KIF13B: variants seen among roughly 807,000 people sequenced by gnomAD.
The protein encoded by KIF13B is kinesin-like protein KIF13B.
A neutral mutation model predicts 222.0 loss-of-function variants in KIF13B; 127 were observed. The observed-to-expected ratio is 0.57, with a 90% CI of 0.50 to 0.66. KIF13B has a LOEUF of 0.66. KIF13B is among the 30% of genes least tolerant of loss of function. KIF13B has a pLI of 0.00. For missense variants in KIF13B, 2,173 were observed against 2,379.0 expected (o/e 0.91, Z 1.80); for synonymous variants, 976 against 919.0 (o/e 1.06, Z -1.12).
intron 2 of KIF13B, among the ~76,000 whole-genome samples, chr8:29,232,964 T>C (rs1815352157): frequency 6.6e-6 from 1 of 152,168 alleles, no homozygotes; most frequent in Admixed American, 6.6e-5. Context: ...GAGACCAGCC[T>C]GGCCAACCTG....
rs575819314 is a variant in KIF13B at position 29,123,419 on chromosome 8, G to A, written c.3426C>T (p.Asn1142=). Residue 1142 remains asparagine (N), a synonymous_variant, in exon 28 of 40, where the codon AAC becomes AAT. Transcript: ENST00000524189. ...TGCCAGCAGAGGGGACCATCACCGC[G>A]TTCCTCTCCTCAGTTAGGGTCAACC... is the stretch of plus-strand genomic sequence containing the variant. ...EMRLTLTEER[N]AVMVPSAGSG... is the part of the protein sequence containing the mutation. The A allele has an allele frequency of 3.5e-5, 56 of 1,614,038 alleles. No homozygotes were observed. The highest frequency in any genetic ancestry group is 1.6e-4 in the Middle Eastern group (1 of 6,062).
chr8:29,156,172 T>C (rs1333972952), intron 13 of KIF13B, among the ~76,000 whole-genome samples: 1 of 152,248 alleles, frequency 6.6e-6, no homozygotes, highest in African/African-American at 2.4e-5. Flanking sequence ...GGTTTCACCA[T>C]GTTGGCCAGG....
At chr8:29,251,028 G>A (rs1384201774) in intron 1 of KIF13B, among the ~76,000 whole-genome samples, 1 of 152,090 alleles carries the variant, frequency 6.6e-6, no homozygotes, top group Non-Finnish European at 1.5e-5. Flanking sequence ...GTGGGAGCCT[G>A]TAATCCCAGC....
intron 34 of KIF13B, 130 bp from the exon 35 acceptor site, chr8:29,108,322 C>T (rs1442959735): frequency 1.2e-5 from 9 of 745,492 alleles, no homozygotes; most frequent in Middle Eastern, 2.3e-4. Flanking sequence ...GTTGTCATGA[C>T]GAAGGCTGCA....
At chr8:29,206,895 C>A (rs974932852) in intron 2 of KIF13B, among the ~76,000 whole-genome samples, 4 of 152,124 alleles carry the variant, frequency 2.6e-5, no homozygotes. Flanking sequence ...TCAAGAGAAG[C>A]CTTGCTGAAA....
At chr8:29,181,396 C>T (rs971181982) in intron 7 of KIF13B, among the ~76,000 whole-genome samples, 1 of 152,208 alleles carries the variant, frequency 6.6e-6, no homozygotes, top group Non-Finnish European at 1.5e-5. Context: ...TTTTCAGACA[C>T]TGAGAATATA....
At position 29,132,433 on chromosome 8, in the gene KIF13B, G is replaced by C; in HGVS notation, c.2817C>G (p.Ile939Met). The C allele has an allele frequency of 6.4e-7, 1 of 1,564,356 alleles. No individual in the cohort carries two copies. Among genetic ancestry groups the C allele is most frequent in the African/African-American group, 1.4e-5 (1 of 72,674 alleles). Residue 939 changes from isoleucine to methionine, a missense_variant, in exon 23 of 40, where the codon ATC becomes ATG. Coordinates refer to ENST00000524189, the MANE Select transcript of KIF13B (RefSeq NM_015254.4). ...EFSVNITEDF[I>M]EHLSEGALAI... ...CCAATGCTCCTTCGGAAAGATGCTC[G>C]ATAAAGTCTTCGGTGATGTTAACAG...
chr8:29,226,192 G>A (rs1815012849), intron 2 of KIF13B, among the ~76,000 whole-genome samples: 1 of 151,834 alleles, frequency 6.6e-6, no homozygotes, highest in Non-Finnish European at 1.5e-5. Context: ...AGAAGGTCCT[G>A]GCAGCACAGT....
intron 35 of KIF13B, among the ~76,000 whole-genome samples, chr8:29,102,212 A>G (rs1043624968): frequency 5.3e-5 from 8 of 152,220 alleles, no homozygotes; most frequent in African/African-American, 1.9e-4. Flanking sequence ...TCAATAGCTC[A>G]GGTCTAAACG....
chr8:29,101,361 TTTTC>T (rs1194469865), intron 35 of KIF13B, among the ~76,000 whole-genome samples: 4 of 152,148 alleles, frequency 2.6e-5, no homozygotes, highest in African/African-American at 7.2e-5. Flanking sequence ...ATATTTTAGA[TTTTC>T]TTTGTTTGGT....
At chr8:29,217,486 T>C (rs1347201244) in intron 2 of KIF13B, among the ~76,000 whole-genome samples, 1 of 152,196 alleles carries the variant, frequency 6.6e-6, no homozygotes, top group African/African-American at 2.4e-5. Context: ...TTTCATGGGA[T>C]TGCTATGAAG....
rs765314391 is a variant in KIF13B, at chr8:29,116,861, CTTGCGTAACACCAG to C, written c.3793_3806del (p.Leu1265GlufsTer34). 1 of 1,584,776 alleles carries C rather than the reference CTTGCGTAACACCAG, an allele frequency of 6.3e-7. No homozygotes were observed. The highest frequency in any genetic ancestry group is 8.6e-7 in the Non-Finnish European group (1 of 1,162,042). Reference sequence around the variant, plus strand: ...GGCCGTGAACATTGACACAGATTCTCTTGCGTAACACCAGTTGCATGTCAGCAGGGTGGCTGAGC... The same window carrying C: ...GGCCGTGAACATTGACACAGATTCTCTTGCATGTCAGCAGGGTGGCTGAGC... On this transcript the variant is annotated frameshift_variant, in exon 31 of 40. Coordinates refer to ENST00000524189, the MANE Select transcript of KIF13B (RefSeq NM_015254.4). LOFTEE classifies it high-confidence loss of function.
At chr8:29,259,003 C>T (rs1816586960) in intron 1 of KIF13B, among the ~76,000 whole-genome samples, 1 of 152,174 alleles carries the variant, frequency 6.6e-6, no homozygotes, top group African/African-American at 2.4e-5. Flanking sequence ...CAATCAATTT[C>T]ACTTTTTCAT....
chr8:29,197,336 CAAAAA>C (rs71222598), intron 2 of KIF13B, among the ~76,000 whole-genome samples: 17 of 57,770 alleles, frequency 2.9e-4, no homozygotes, highest in Admixed American at 1.1e-3. Flanking sequence ...GACTCCGTCT[CAAAAA>C]AAAAAAAAAA....
At chr8:29,216,944 C>T (rs1377124905) in intron 2 of KIF13B, among the ~76,000 whole-genome samples, 1 of 150,370 alleles carries the variant, frequency 6.7e-6, no homozygotes, top group African/African-American at 2.5e-5. Context: ...CTGTGTCCAT[C>T]GACGTATATT....
At chr8:29,146,765 A>G (rs1250334945) in intron 17 of KIF13B, among the ~76,000 whole-genome samples, 3 of 152,208 alleles carry the variant, frequency 2.0e-5, no homozygotes, top group African/African-American at 7.2e-5. Flanking sequence ...CCGGCTGTAG[A>G]TAACAGCAGT....
intron 18 of KIF13B, among the ~76,000 whole-genome samples, chr8:29,143,818 G>A (rs1245698063): frequency 1.3e-5 from 2 of 151,762 alleles, no homozygotes. Context: ...ACTCCAGCCT[G>A]GGCAACAAAG....
intron 18 of KIF13B, among the ~76,000 whole-genome samples, chr8:29,143,193 A>G (rs1334729846): frequency 6.6e-6 from 1 of 152,172 alleles, no homozygotes; most frequent in African/African-American, 2.4e-5. Context: ...TTAAAACCCA[A>G]AAGACCACAT....
At chr8:29,127,343 A>G in intron 24 of KIF13B, 75 bp from the exon 25 acceptor site, 3 of 1,280,788 alleles carry the variant, frequency 2.3e-6, no homozygotes, top group Non-Finnish European at 3.3e-6. Context: ...AGACCCCTAC[A>G]GGCTGATGTT....
Sources: allele counts gnomAD v4.1 joint callset (sites outside exome capture counted in the v4.1 genomes callset), GRCh38; gene constraint gnomAD v4.1.1; transcripts MANE v1.5; gene names NCBI Gene and HGNC (gene_info 2026-07-23, HGNC 2026-07-21).